The following DNHD1 variants were observed in gnomAD, a reference collection of about 807,000 sequenced individuals.
DNHD1 encodes the protein dynein heavy chain domain 1.
DNHD1 carries 383 observed loss-of-function variants against 458.1 expected under a neutral mutation model. The ratio of observed to expected loss-of-function variants is 0.84; its 90% CI spans 0.77 to 0.91. The LOEUF (loss-of-function observed/expected upper bound fraction) is 0.91. DNHD1 is among the 40% of genes least tolerant of loss of function. The pLI is 0.00. For missense variants in DNHD1, 5,336 were observed against 5,866.1 expected, an observed-to-expected ratio of 0.91 and a Z score of 2.95; for synonymous variants, 2,203 against 2,376.9, an observed-to-expected ratio of 0.93 and a Z score of 2.13.
In DNHD1 at chr11:6,556,733, G is replaced by A. The variant is rs1402817276; in HGVS notation, c.7438G>A (p.Asp2480Asn). 1 of 1,551,320 alleles carries A rather than the reference G, an allele frequency of 6.4e-7. No individual in the cohort carries two copies. The highest frequency in any genetic ancestry group is 8.7e-7 in the Non-Finnish European group (1 of 1,146,778). ...PVLETLRQAM[D>N]GTVYAHSTLE... ...GTTGGAGACTCTGCGCCAGGCCATG[G>A]ATGGCACTGTGTATGCCCACAGCAC... The change falls in exon 25 of 43, where the codon GAT becomes AAT. Residue 2480 changes from aspartate to asparagine, a missense_variant. Transcript: ENST00000254579.
At chr11:6,512,211 C>CTTTCTTTTTTTTTTTTTTTTTTT (rs1185966042) in intron 7 of DNHD1, among the ~76,000 whole-genome samples, 2 of 91,630 alleles carry the variant, frequency 2.2e-5, no homozygotes, top group African/African-American at 9.4e-5. Flanking sequence ...CTTTTTCTTT[C>CTTTCTTTTTTTTTTTTTTTTTTT]TTTTTTTTTT....
chr11:6,546,971 G>C lies in DNHD1; in HGVS notation c.6032G>C (p.Arg2011Pro), dbSNP rs538299715. 1 of 1,551,454 alleles carries C rather than the reference G, an allele frequency of 6.4e-7. No homozygotes were observed. The highest frequency in any genetic ancestry group is 2.0e-5 in the Admixed American group (1 of 50,986). Residue 2011 changes from arginine to proline, a missense_variant, in exon 21 of 43, where the codon CGG (arginine) becomes CCG (proline). This residue lies in a region of DNHD1 where 3,932 missense variants were observed against 4,365.6 expected (regional missense o/e 0.90). Transcript: ENST00000254579. ...CWHSLFKIQN[R>P]LAAMEDTSTQ... ...CACAGCTTATTTAAGATCCAGAATC[G>C]GCTGGCAGCCATGGAGGACACCTCA...
rs199616582 is a variant in DNHD1, at chr11:6,569,266, G to A, written c.12863+400G>A. 5.3e-5 allele frequency among the ~76,000 whole-genome samples: 8 copies of A among 152,156 alleles called. No homozygotes were observed. The East Asian group carries it at 7.8e-4, about 15-fold the overall frequency. ...TTGGGAGGCGAGGCGGATGGATCAC[G>A]AGGTCAGGAGATCGTGACCATCCTG... On this transcript the variant is annotated intron_variant, in intron 39 of 42. Coordinates refer to ENST00000254579, the MANE Select transcript of DNHD1 (RefSeq NM_144666.3).
intron 7 of DNHD1, among the ~76,000 whole-genome samples, chr11:6,512,697 T>C (rs1026745162): frequency 6.6e-6 from 1 of 152,192 alleles, no homozygotes; most frequent in Non-Finnish European, 1.5e-5. Flanking sequence ...TGTTTTCCTT[T>C]TTCTGTCTTC....
rs761155698 is a variant in DNHD1 at position 6,571,094 on chromosome 11, C to T, written c.13582C>T (p.Leu4528Phe). The T allele has an allele frequency of 5.6e-5, 90 of 1,595,728 alleles. No homozygotes were observed. The Admixed American group carries it at 1.4e-3, about 24-fold the overall frequency. Residue 4528 changes from leucine to phenylalanine, a missense_variant, in exon 42 of 43, where the codon CTC becomes TTC. Leu to Phe is a conservative substitution (Grantham distance 22). Coordinates refer to ENST00000254579, the MANE Select transcript of DNHD1 (RefSeq NM_144666.3). This position sits in a 1 kb window ranked among gnomAD's most constrained non-coding sequence, Gnocchi z 5.0. ...SRRCAAVAHA[L>F]WTGRLPLPWR... ...CCGCTGTGCTGCGGTGGCCCACGCTCTCTGGACTGGCCGCCTACCCTTGCC... is the reference window on the plus strand; with the variant it reads ...CCGCTGTGCTGCGGTGGCCCACGCTTTCTGGACTGGCCGCCTACCCTTGCC...
rs752021009 is a variant in DNHD1 at position 6,568,864 on chromosome 11, C to T, written c.12861C>T (p.Arg4287=). Residue 4287 remains arginine, a splice_region_variant and synonymous_variant, in exon 39 of 43, where the codon CGC becomes CGT. Transcript: ENST00000254579. ...CAAGGCTGCAGGCACACAGGGGGCG[C>T]TGGTGAGGGACCCCCACCCATTCCT... The part of the protein sequence containing the change: ...YGTRLQAHRG[R]WSQVTLTQVL... The T allele has an allele frequency of 1.4e-5, 22 of 1,607,058 alleles. No homozygotes were observed. Among genetic ancestry groups the T allele is most frequent in the Non-Finnish European group, 1.8e-5 (21 of 1,177,086 alleles).
chr11:6,504,608 C>T (rs1209401953), intron 4 of DNHD1, among the ~76,000 whole-genome samples: 1 of 152,166 alleles, frequency 6.6e-6, no homozygotes, highest in Non-Finnish European at 1.5e-5. Flanking sequence ...TGTCACCACA[C>T]CTGGCTAATT....
Position 6,567,805 on chromosome 11 carries a change from C to T in DNHD1, c.12296C>T (p.Ser4099Leu), listed in dbSNP as rs1280728143. 6.2e-7 allele frequency: 1 copy of T among 1,613,714 alleles called. No individual in the cohort carries two copies. Among genetic ancestry groups the T allele is most frequent in the Admixed American group, 1.7e-5 (1 of 60,036 alleles). Residue 4099 changes from serine to leucine, a missense_variant, in exon 36 of 43, where the codon TCA (serine) becomes TTA (leucine). By Grantham distance (145) the Ser-to-Leu change is moderately radical. Coordinates refer to ENST00000254579, the MANE Select transcript of DNHD1 (RefSeq NM_144666.3). ...TTGTTGCCACCGCCTGGCCACCCCT[C>T]AGCCACTCTGCATCCTCTGACTGTC... ...LILLPPPGHPSATLHPLTVIQ... is the reference protein window; with the variant it reads ...LILLPPPGHPLATLHPLTVIQ...
intron 40 of DNHD1, 36 bp from the exon 41 acceptor site, chr11:6,570,211 G>A: frequency 6.2e-7 from 1 of 1,613,680 alleles, no homozygotes; most frequent in Non-Finnish European, 8.5e-7. Context: ...GGAAACTGAA[G>A]GTACTGGAAC....
Position 6,498,511 on chromosome 11 carries a change from T to C in DNHD1, c.296T>C (p.Val99Ala), listed in dbSNP as rs1415368854. ...GLLPPYRELL[V>A]GHLDLLPFLE... ...CTGCCTCCATATCGTGAGTTGCTAG[T>C]TGGCCACCTTGATTTGCTGCCCTTC... The change falls in exon 3 of 43, where the codon GTT (valine) becomes GCT (alanine). Residue 99 changes from valine to alanine, a missense_variant. This residue lies in a region of DNHD1 where 3,932 missense variants were observed against 4,365.6 expected (regional missense o/e 0.90). Transcript: ENST00000254579. The C allele has an allele frequency of 6.2e-7, 1 of 1,614,222 alleles. No individual in the cohort carries two copies. Among genetic ancestry groups the C allele is most frequent in the Non-Finnish European group, 8.5e-7 (1 of 1,180,030 alleles).
chr11:6,508,811 C>A, intron 4 of DNHD1, 69 bp from the exon 5 acceptor site: 1 of 1,478,396 alleles, frequency 6.8e-7, no homozygotes, highest in Non-Finnish European at 9.3e-7. Flanking sequence ...TCTCCTGTAT[C>A]CTCCTTTGGT....
chr11:6,501,217 C>A (rs112541692), intron 3 of DNHD1, among the ~76,000 whole-genome samples: 1 of 150,382 alleles, frequency 6.6e-6, no homozygotes, highest in East Asian at 1.9e-4. Context: ...TCGCATTTTA[C>A]GATTTTTTTT....
Position 6,556,745 on chromosome 11 carries a change from T to G in DNHD1, c.7450T>G (p.Tyr2484Asp), listed in dbSNP as rs1026163387. ...TLRQAMDGTV[Y>D]AHSTLELQTL... ...GCGCCAGGCCATGGATGGCACTGTG[T>G]ATGCCCACAGCACCTTGGAACTGCA... is the stretch of plus-strand genomic sequence containing the variant. The change falls in exon 25 of 43, where the codon TAT (tyrosine) becomes GAT (aspartate). Residue 2484 changes from tyrosine to aspartate, a missense_variant. Coordinates refer to ENST00000254579, the MANE Select transcript of DNHD1 (RefSeq NM_144666.3). 1.3e-6 allele frequency: 2 copies of G among 1,551,648 alleles called. No individual in the cohort carries two copies. Among genetic ancestry groups the G allele is most frequent in the African/African-American group, 1.4e-5 (1 of 73,164 alleles).
chr11:6,529,516 C>G (rs1852783592), intron 12 of DNHD1, among the ~76,000 whole-genome samples: 1 of 152,236 alleles, frequency 6.6e-6, no homozygotes. Flanking sequence ...GTAGTCCTAA[C>G]TTCTACTGGT....
rs199993466 is a variant in DNHD1, at chr11:6,571,169, C to T, written c.13657C>T (p.Arg4553Ter). 22 of 1,603,544 alleles carry T rather than the reference C, an allele frequency of 1.4e-5. No individual in the cohort carries two copies. In the East Asian group the frequency reaches 4.3e-4, roughly 31 times the overall value. ...AGPQPPWHWL[R>*]QLSRRGQLLV... Reference sequence around the variant, plus strand: ...TCCGCAGCCGCCCTGGCACTGGCTGCGACAGTTGTCGCGCCGTGGGCAACT... The same window carrying T: ...TCCGCAGCCGCCCTGGCACTGGCTGTGACAGTTGTCGCGCCGTGGGCAACT... The change falls in exon 42 of 43, where the codon CGA (arginine) becomes TGA (stop). Residue 4553 changes from arginine to a stop codon, truncating the protein, a stop_gained. Coordinates refer to ENST00000254579, the MANE Select transcript of DNHD1 (RefSeq NM_144666.3). LOFTEE classifies it high-confidence loss of function. The surrounding 1 kb of genome is among the most constrained non-coding windows in gnomAD (Gnocchi z 5.0).
chr11:6,537,586 G>A (rs778447201), intron 14 of DNHD1, among the ~76,000 whole-genome samples: 3 of 152,024 alleles, frequency 2.0e-5, no homozygotes, highest in East Asian at 1.9e-4. Flanking sequence ...TGAAAATGCC[G>A]GGAAGGGTAG....
At chr11:6,528,206 G>C (rs1483408998) in intron 10 of DNHD1, among the ~76,000 whole-genome samples, 1 of 152,184 alleles carries the variant, frequency 6.6e-6, no homozygotes, top group African/African-American at 2.4e-5. Flanking sequence ...GCTCAACCTT[G>C]AGTGGTTTTG....
chr11:6,557,285 G>T lies in DNHD1; in HGVS notation c.7990G>T (p.Glu2664Ter), dbSNP rs1229942293. The T allele has an allele frequency of 6.4e-7, 1 of 1,551,464 alleles. No homozygotes were observed. Among genetic ancestry groups the T allele is most frequent in the Non-Finnish European group, 8.7e-7 (1 of 1,147,016 alleles). Residue 2664 changes from glutamate to a stop codon, truncating the protein, a stop_gained, in exon 25 of 43, where the codon GAA becomes TAA. Transcript: ENST00000254579. LOFTEE classifies it high-confidence loss of function. ...TFCDRLDSPR[E>*]RSYCAKLLLV... ...TTGCGACCGGCTGGACAGCCCCAGGGAACGCTCCTACTGTGCCAAGCTGCT... is the reference window on the plus strand; with the variant it reads ...TTGCGACCGGCTGGACAGCCCCAGGTAACGCTCCTACTGTGCCAAGCTGCT...
chr11:6,530,543 T>C (rs1391479615), intron 12 of DNHD1, among the ~76,000 whole-genome samples: 1 of 152,220 alleles, frequency 6.6e-6, no homozygotes, highest in East Asian at 1.9e-4. Flanking sequence ...CAATAGTATC[T>C]ACTTCCTGTG....
Sources: gnomAD v4.1 joint callset for allele counts (sites outside exome capture counted in the v4.1 genomes callset) on GRCh38, gnomAD v4.1.1 for gene constraint, gnomAD v4.1.1 regional missense constraint, Gnocchi (gnomAD v3.1) non-coding constraint, MANE v1.5 for transcripts, NCBI Gene and HGNC (gene_info 2026-07-23, HGNC 2026-07-21) for gene names.